The following XIRP2 variants were observed in gnomAD, a reference collection of about 807,000 sequenced individuals.
The protein encoded by XIRP2 is xin actin binding repeat containing 2.
XIRP2 carries 236 observed loss-of-function variants against 277.0 expected under a neutral mutation model. The ratio of observed to expected loss-of-function variants is 0.85; its 90% CI spans 0.77 to 0.95. The LOEUF (loss-of-function observed/expected upper bound fraction) is 0.95, where lower values mean the gene tolerates loss of function less well. Ranked by LOEUF, XIRP2 falls within the 40% of genes least tolerant of loss-of-function variation. XIRP2 has a pLI of 0.00. For synonymous variants in XIRP2, 1,490 were observed against 1,416.5 expected, an observed-to-expected ratio of 1.05 and a Z score of -1.17; for missense variants, 4,640 against 4,157.5, an observed-to-expected ratio of 1.12 and a Z score of -3.19.
intron 1 of XIRP2, among the ~76,000 whole-genome samples, chr2:166,892,981 TACACACACACAC>T (rs768482855): frequency 7.0e-6 from 1 of 143,046 alleles, no homozygotes; most frequent in Non-Finnish European, 1.5e-5. Flanking sequence ...TATATGTATA[TACACACACACAC>T]ACACACACAC....
At chr2:167,192,918 G>A (rs959864920) in intron 3 of XIRP2, among the ~76,000 whole-genome samples, 39 of 152,186 alleles carry the variant, frequency 2.6e-4, no homozygotes, top group Admixed American at 2.5e-3. Flanking sequence ...GACTTCGCTA[G>A]TAGAAAATAT....
At chr2:166,890,825 T>G (rs1452700479) in intron 1 of XIRP2, among the ~76,000 whole-genome samples, 1 of 152,210 alleles carries the variant, frequency 6.6e-6, no homozygotes, top group Admixed American at 6.6e-5. Context: ...GACAGTTTTC[T>G]GGGACTCTGA....
intron 2 of XIRP2, among the ~76,000 whole-genome samples, chr2:166,961,783 T>A (rs892293899): frequency 6.6e-6 from 1 of 151,798 alleles, no homozygotes; most frequent in Admixed American, 6.6e-5. Flanking sequence ...CTAATTTACC[T>A]GAAATGTGTA....
chr2:167,096,233 A>C (rs1247129883), intron 2 of XIRP2, among the ~76,000 whole-genome samples: 1 of 151,994 alleles, frequency 6.6e-6, no homozygotes, highest in African/African-American at 2.4e-5. Context: ...AGAACTTGTT[A>C]TTGGTCTATT....
chr2:167,164,167 G>A (rs115212083), intron 3 of XIRP2, among the ~76,000 whole-genome samples: 14,976 of 152,018 alleles, frequency 0.099, 789 homozygotes, highest in South Asian at 0.15. Flanking sequence ...TTGGCCGGGC[G>A]CAGCGGCTCA....
At chr2:167,229,620 A>T (rs1483014781) in intron 5 of XIRP2, among the ~76,000 whole-genome samples, 3 of 152,134 alleles carry the variant, frequency 2.0e-5, no homozygotes, top group Non-Finnish European at 4.4e-5. Context: ...TATTTCTCAA[A>T]ATAAACCCAT....
At chr2:167,062,355 A>G (rs1689191582) in intron 2 of XIRP2, among the ~76,000 whole-genome samples, 1 of 152,178 alleles carries the variant, frequency 6.6e-6, no homozygotes, top group Admixed American at 6.5e-5. Context: ...TTCATTTAGC[A>G]TCTGCGACTG....
Position 167,058,378 on chromosome 2 carries a change from G to A in XIRP2, c.409-77531G>A, listed in dbSNP as rs149219343. ...TTGCAGGCATGAGCCAAGGTGACTG[G>A]CCTCTTTGTGCATGTTTTAGTTATT... On this transcript the variant is annotated intron_variant, in intron 2 of 10. Transcript: ENST00000409195. Among the ~76,000 whole-genome samples, 266 of 152,186 alleles carry A rather than the reference G, an allele frequency of 1.7e-3. 2 individuals carry two copies. The highest frequency in any genetic ancestry group is 6.1e-3 in the African/African-American group (253 of 41,522).
intron 3 of XIRP2, among the ~76,000 whole-genome samples, chr2:167,143,631 T>TGAG (rs1394438031): frequency 6.6e-6 from 1 of 152,128 alleles, no homozygotes; most frequent in Non-Finnish European, 1.5e-5. Flanking sequence ...CAATTCCAGC[T>TGAG]GAGGTTAATT....
chr2:167,165,020 C>A (rs1425467146), intron 3 of XIRP2, among the ~76,000 whole-genome samples: 1 of 152,156 alleles, frequency 6.6e-6, no homozygotes, highest in Admixed American at 6.5e-5. Context: ...CTCCCAATAA[C>A]CCCTGTCAAC....
rs201507149 is a variant in XIRP2 at position 167,250,517 on chromosome 2, C to A, written c.9125C>A (p.Pro3042Gln). The A allele has an allele frequency of 1.1e-5, 17 of 1,613,284 alleles. No homozygotes were observed. Among genetic ancestry groups the A allele is most frequent in the Admixed American group, 8.3e-5 (5 of 59,932 alleles). Residue 3042 changes from proline (P) to glutamine (Q), a missense_variant, in exon 9 of 11, where the codon CCG becomes CAG. Coordinates refer to ENST00000409195, the MANE Select transcript of XIRP2 (RefSeq NM_152381.6). ...ATGATGTCCTCCAAAACAGGAAAAC[C>A]GGGAAATAAACCCACTAGTCTTGAT... ...TAMMSSKTGK[P>Q]GNKPTSLDET...
chr2:166,912,506 A>C (rs1026727689), intron 2 of XIRP2, among the ~76,000 whole-genome samples: 10 of 152,080 alleles, frequency 6.6e-5, no homozygotes, highest in Non-Finnish European at 1.5e-4. Flanking sequence ...GTTAGCCATT[A>C]GTCTAATCTT....
At chr2:167,111,612 G>A (rs1690756968) in intron 2 of XIRP2, among the ~76,000 whole-genome samples, 1 of 151,882 alleles carries the variant, frequency 6.6e-6, no homozygotes, top group Non-Finnish European at 1.5e-5. Context: ...TGTTCATCAA[G>A]GTTACTGGCT....
chr2:167,012,630 C>A (rs1687712063), intron 2 of XIRP2, among the ~76,000 whole-genome samples: 1 of 151,494 alleles, frequency 6.6e-6, no homozygotes, highest in African/African-American at 2.4e-5. Flanking sequence ...TTTATGTATT[C>A]TCGTCTCTAT....
intron 3 of XIRP2, among the ~76,000 whole-genome samples, chr2:167,159,723 T>C (rs1241831020): frequency 6.6e-6 from 1 of 152,246 alleles, no homozygotes; most frequent in Non-Finnish European, 1.5e-5. Context: ...TTACACCATA[T>C]ATTTCTTATG....
chr2:167,039,622 G>A (rs770779259), intron 2 of XIRP2, among the ~76,000 whole-genome samples: 1 of 152,134 alleles, frequency 6.6e-6, no homozygotes, highest in Non-Finnish European at 1.5e-5. Context: ...GGTATGGAGA[G>A]AATGTGGGAA....
intron 7 of XIRP2, 98 bp downstream of exon 7, chr2:167,240,834 T>G: frequency 1.0e-6 from 1 of 969,310 alleles, no homozygotes. Flanking sequence ...CCCCTCTGAG[T>G]AACTTTAGTA....
At position 167,247,874 on chromosome 2, in the gene XIRP2, C is replaced by T. The variant is rs747231118; in HGVS notation, c.6482C>T (p.Pro2161Leu). 1.9e-6 allele frequency: 3 copies of T among 1,613,556 alleles called. No homozygotes were observed. In the East Asian group the frequency reaches 6.7e-5, roughly 36 times the overall value. ...KILTDTQSSK[P>L]SPTQHPVSMP... ...TTAACTGATACACAAAGCTCCAAGC[C>T]CAGTCCCACCCAGCATCCAGTCAGC... The change falls in exon 9 of 11, where the codon CCC (proline) becomes CTC (leucine). Residue 2161 changes from proline to leucine, a missense_variant. Physicochemically the swap from Pro to Leu is moderately conservative, Grantham distance 98 (BLOSUM62 -3). Coordinates refer to ENST00000409195, the MANE Select transcript of XIRP2 (RefSeq NM_152381.6).
chr2:167,098,757 C>T (rs1426767453), intron 2 of XIRP2, among the ~76,000 whole-genome samples: 1 of 152,148 alleles, frequency 6.6e-6, no homozygotes, highest in Non-Finnish European at 1.5e-5. Context: ...GGTGGTGATG[C>T]TATTGCTTTC....
Sources: allele counts gnomAD v4.1 joint callset (sites outside exome capture counted in the v4.1 genomes callset), GRCh38; gene constraint gnomAD v4.1.1; transcripts MANE v1.5; gene names NCBI Gene and HGNC (gene_info 2026-07-23, HGNC 2026-07-21).